The following ANXA8 variants were observed in gnomAD, a reference collection of about 807,000 sequenced individuals.
The protein encoded by ANXA8 is annexin A8, also known as VAC-beta.
In ANXA8, 9 loss-of-function variants were observed where a neutral mutation model predicts 26.8. The ratio of observed to expected loss-of-function variants is 0.34; its 90% confidence interval spans 0.20 to 0.59. The LOEUF (loss-of-function observed/expected upper bound fraction) is 0.59. Among genes scored for constraint, ANXA8 ranks in the 20% least tolerant of loss-of-function variants. ANXA8 has a pLI of 0.84. For synonymous variants in ANXA8, 39 were observed against 94.8 expected (o/e 0.41, Z 3.42); for missense variants, 83 against 238.5 (o/e 0.35, Z 4.29).
the ANXA8 span, among the ~76,000 whole-genome samples, chr10:47,768,270 C>A: frequency 6.6e-6 from 1 of 151,590 alleles, no homozygotes; most frequent in Non-Finnish European, 1.5e-5. Context: ...GTGCTAACAA[C>A]TGACCCACAT....
At chr10:47,727,159 G>A in the ANXA8 span, among the ~76,000 whole-genome samples, 26 of 152,412 alleles carry the variant, frequency 1.7e-4, no homozygotes, top group Non-Finnish European at 3.4e-4. Context: ...AACAGCGGGA[G>A]GCACCTAATT....
chr10:47,928,738 T>TTC, the ANXA8 span, among the ~76,000 whole-genome samples: 77 of 94,440 alleles, frequency 8.2e-4, no homozygotes, highest in Middle Eastern at 4.9e-3. Flanking sequence ...TCTAGCCTCT[T>TTC]TCTCTCTCTC....
the ANXA8 span, among the ~76,000 whole-genome samples, chr10:47,704,842 T>G: frequency 6.6e-6 from 1 of 151,972 alleles, no homozygotes. Flanking sequence ...AAGGAAAAAT[T>G]TTTAAATGAA....
the ANXA8 span, among the ~76,000 whole-genome samples, chr10:47,672,356 A>G: frequency 6.6e-6 from 1 of 151,928 alleles, no homozygotes; most frequent in African/African-American, 2.4e-5. Flanking sequence ...TATGTTAAAG[A>G]ATAATATGTT....
chr10:47,894,780 C>T, the ANXA8 span, among the ~76,000 whole-genome samples: 3 of 152,258 alleles, frequency 2.0e-5, no homozygotes, highest in Non-Finnish European at 4.4e-5. Flanking sequence ...CCACACATCA[C>T]AGCACACCAC....
At chr10:47,580,271 A>G in the ANXA8 span, among the ~76,000 whole-genome samples, 5 of 152,296 alleles carry the variant, frequency 3.3e-5, no homozygotes, top group African/African-American at 1.2e-4. Flanking sequence ...TCAATAAGGA[A>G]CTAGAGGAAT....
chr10:47,587,134 G>A, the ANXA8 span, among the ~76,000 whole-genome samples: 2 of 147,120 alleles, frequency 1.4e-5, no homozygotes, highest in Non-Finnish European at 3.0e-5. Flanking sequence ...AACCTGGGAG[G>A]CAGAGGTTGC....
the ANXA8 span, among the ~76,000 whole-genome samples, chr10:47,674,445 C>G: frequency 1.3e-5 from 2 of 151,542 alleles, no homozygotes; most frequent in Admixed American, 1.3e-4. Context: ...CCATTTTCAT[C>G]ACATCATATT....
chr10:47,950,488 G>A, the ANXA8 span, among the ~76,000 whole-genome samples: 86 of 151,202 alleles, frequency 5.7e-4, 1 homozygote, highest in African/African-American at 1.8e-3. Flanking sequence ...AATCAACAGC[G>A]CAATAAATCA....
At chr10:47,743,365 T>TAC in the ANXA8 span, among the ~76,000 whole-genome samples, 207 of 37,540 alleles carry the variant, frequency 5.5e-3, 9 homozygotes, top group East Asian at 0.066. Flanking sequence ...CACATATATA[T>TAC]ATATACATAT....
chr10:47,507,986 C>T, the ANXA8 span, among the ~76,000 whole-genome samples: 8 of 115,190 alleles, frequency 6.9e-5, no homozygotes, highest in African/African-American at 1.9e-4. Context: ...CCTCCACCAC[C>T]CAGGTTCAAG....
chr10:47,970,893 G>T, the ANXA8 span, among the ~76,000 whole-genome samples: 1 of 151,338 alleles, frequency 6.6e-6, no homozygotes, highest in East Asian at 1.9e-4. Context: ...CAGAGGCAAG[G>T]GATCTGGACC....
At chr10:47,681,389 G>A in the ANXA8 span, among the ~76,000 whole-genome samples, 18 of 150,360 alleles carry the variant, frequency 1.2e-4, no homozygotes, top group Admixed American at 9.3e-4. Flanking sequence ...TCTTGATTGT[G>A]TTTGTTTTGT....
At chr10:47,644,174 A>G in the ANXA8 span, among the ~76,000 whole-genome samples, 1 of 143,756 alleles carries the variant, frequency 7.0e-6, no homozygotes, top group Non-Finnish European at 1.5e-5. Context: ...AGTGTCTTCA[A>G]GTTAAAATAT....
At chr10:47,559,540 G>C in the ANXA8 span, among the ~76,000 whole-genome samples, 1 of 151,746 alleles carries the variant, frequency 6.6e-6, no homozygotes, top group Non-Finnish European at 1.5e-5. Flanking sequence ...AGAGTAACTG[G>C]CTTTTTCTGT....
chr10:47,672,886 C>A, the ANXA8 span, among the ~76,000 whole-genome samples: 1 of 151,504 alleles, frequency 6.6e-6, no homozygotes, highest in Non-Finnish European at 1.5e-5. Flanking sequence ...ATAAGAAGTA[C>A]GGTTTCTAAA....
the ANXA8 span, chr10:47,985,736 TAA>T: frequency 3.7e-3 from 519 of 140,212 alleles, no homozygotes; most frequent in African/African-American, 9.3e-3. Flanking sequence ...AAGCAACTAT[TAA>T]AAAAAAAAAA....
chr10:47,652,235 A>T, the ANXA8 span, among the ~76,000 whole-genome samples: 1 of 151,814 alleles, frequency 6.6e-6, no homozygotes, highest in Non-Finnish European at 1.5e-5. Context: ...AAATGTGAAT[A>T]CGCTAAAACT....
At chr10:47,651,125 G>A in the ANXA8 span, among the ~76,000 whole-genome samples, 1 of 151,284 alleles carries the variant, frequency 6.6e-6, no homozygotes, top group Non-Finnish European at 1.5e-5. Context: ...GCTTGAGCCT[G>A]TGCCGTCGAG....
Sources: allele counts gnomAD v4.1 joint callset (sites outside exome capture counted in the v4.1 genomes callset), GRCh38; gene constraint gnomAD v4.1.1; transcripts MANE v1.5; gene names NCBI Gene and HGNC (gene_info 2026-07-23, HGNC 2026-07-21).